Variants in KIAA0825 observed in about 807,000 individuals in gnomAD.
KIAA0825 encodes KIAA0825.
In KIAA0825, 119 loss-of-function variants were observed where a neutral mutation model predicts 147.6. The observed-to-expected ratio is 0.81, with a 90% CI of 0.69 to 0.94. The LOEUF is 0.94. KIAA0825 is among the 40% of genes least tolerant of loss of function. The pLI is 0.00. For synonymous variants in KIAA0825, 470 were observed against 518.1 expected (o/e 0.91, Z 1.26); for missense variants, 1,381 against 1,472.7 (o/e 0.94, Z 1.02).
intron 20 of KIAA0825, among the ~76,000 whole-genome samples, chr5:94,264,814 G>A (rs536803278): frequency 1.5e-5 from 2 of 132,374 alleles, no homozygotes; most frequent in African/African-American, 5.7e-5. Flanking sequence ...GCAGGGTCTT[G>A]CTCTGTCTCC....
At chr5:94,253,577 C>T (rs1360761800) in intron 20 of KIAA0825, among the ~76,000 whole-genome samples, 1 of 152,096 alleles carries the variant, frequency 6.6e-6, no homozygotes, top group East Asian at 1.9e-4. Context: ...ATAGGCCATT[C>T]ATTCTACTTG....
At chr5:94,485,466 G>C (rs772433317) in intron 5 of KIAA0825, among the ~76,000 whole-genome samples, 1 of 151,776 alleles carries the variant, frequency 6.6e-6, no homozygotes, top group African/African-American at 2.4e-5. Context: ...TCTGACTGAA[G>C]TCTACTATGC....
chr5:94,451,795 T>C (rs1432706654), intron 13 of KIAA0825, among the ~76,000 whole-genome samples: 5 of 152,100 alleles, frequency 3.3e-5, no homozygotes, highest in South Asian at 2.1e-4. Flanking sequence ...GGCAGTAAAA[T>C]AGGTTAAAGC....
chr5:94,171,126 C>T (rs1490298995), intron 20 of KIAA0825, among the ~76,000 whole-genome samples: 1 of 152,200 alleles, frequency 6.6e-6, no homozygotes, highest in Non-Finnish European at 1.5e-5. Context: ...GTAACTCCCA[C>T]AATTCCCACA....
At chr5:94,393,063 A>C (rs906646295) in intron 17 of KIAA0825, among the ~76,000 whole-genome samples, 1 of 152,032 alleles carries the variant, frequency 6.6e-6, no homozygotes, top group Non-Finnish European at 1.5e-5. Context: ...GGAGTATCTC[A>C]GTGTCAGCTC....
intron 20 of KIAA0825, among the ~76,000 whole-genome samples, chr5:94,262,842 G>T (rs1261804280): frequency 6.6e-6 from 1 of 152,028 alleles, no homozygotes; most frequent in Non-Finnish European, 1.5e-5. Context: ...GGGGTGGGGG[G>T]CTGTATGAAG....
In KIAA0825 at chr5:94,473,308, GGTT is replaced by G; in HGVS notation, c.1436_1438del (p.Gln479del). 6.4e-7 allele frequency: 1 copy of G among 1,551,462 alleles called. No homozygotes were observed. Among genetic ancestry groups the G allele is most frequent in the East Asian group, 2.4e-5 (1 of 40,916 alleles). On this transcript the variant is annotated inframe_deletion, in exon 8 of 21. Transcript: ENST00000682413. The stretch of plus-strand genomic sequence containing the variant: ...TATACTTGCTTTTCCAATTTTCTTT[GGTT>G]GTTCCTCCTCAGGAAACATATGGCT...
chr5:94,565,070 CTCTT>C (rs1212201506), intron 2 of KIAA0825, among the ~76,000 whole-genome samples: 2 of 123,040 alleles, frequency 1.6e-5, no homozygotes, highest in Non-Finnish European at 3.4e-5. Context: ...TTTCCTGTCT[CTCTT>C]TCTCTCTCTT....
intron 20 of KIAA0825, among the ~76,000 whole-genome samples, chr5:94,325,570 C>A (rs1009989302): frequency 6.6e-6 from 1 of 151,792 alleles, no homozygotes; most frequent in Non-Finnish European, 1.5e-5. Flanking sequence ...ACATACATTC[C>A]TTAAGCAATA....
At position 94,452,967 on chromosome 5, in the gene KIAA0825, AG is replaced by A. The variant is rs1376724894; in HGVS notation, c.2348del (p.Ser783PhefsTer11). The A allele has an allele frequency of 6.7e-7, 1 of 1,488,836 alleles. No homozygotes were observed. The highest frequency in any genetic ancestry group is 9.0e-7 in the Non-Finnish European group (1 of 1,111,608). 92.2% of individuals were successfully genotyped at this position (1,488,836 alleles called of 1,614,324 possible). A position where few individuals can be genotyped will look rare whatever the true frequency, so the allele number is the denominator to read the frequency against. ...CATTTAGAGGCTCTCACCTGAGTAA[AG>A]AAGGGTAGAAATGTGATATGCAAGA... ...WVSCISHFYPSLLRTPSAGGL... is the reference protein window; with the variant it reads ...WVSCISHFYPXLLRTPSAGGL... On this transcript the variant is annotated frameshift_variant, in exon 13 of 21. Transcript: ENST00000682413. LOFTEE classifies it high-confidence loss of function.
chr5:94,213,084 A>G (rs1583867694), intron 20 of KIAA0825, among the ~76,000 whole-genome samples: 1 of 152,162 alleles, frequency 6.6e-6, no homozygotes, highest in East Asian at 1.9e-4. Flanking sequence ...GAGGCACTCT[A>G]AGATAAGTAA....
At chr5:94,222,989 C>T (rs1773803647) in intron 20 of KIAA0825, among the ~76,000 whole-genome samples, 1 of 152,070 alleles carries the variant, frequency 6.6e-6, no homozygotes, top group South Asian at 2.1e-4. Flanking sequence ...AGCAAAAAAT[C>T]CCAAATACAA....
intron 1 of KIAA0825, among the ~76,000 whole-genome samples, chr5:94,606,904 CAG>C (rs1561387053): frequency 6.6e-6 from 1 of 152,092 alleles, no homozygotes; most frequent in Admixed American, 6.6e-5. Context: ...ACATGCAAGA[CAG>C]GGGTCAAGAA....
chr5:94,528,097 C>A (rs1041472659), intron 3 of KIAA0825, among the ~76,000 whole-genome samples: 1 of 152,154 alleles, frequency 6.6e-6, no homozygotes, highest in African/African-American at 2.4e-5. Context: ...GAATTGTTTT[C>A]TATTTCGGAG....
chr5:94,462,247 T>C (rs1243429441), intron 12 of KIAA0825, 140 bp downstream of exon 12: 2 of 485,610 alleles, frequency 4.1e-6, no homozygotes, highest in Admixed American at 4.1e-5. Flanking sequence ...TTTTATAAAA[T>C]GGCCTAGTTC....
chr5:94,170,306 C>T (rs1768500196), intron 20 of KIAA0825, among the ~76,000 whole-genome samples: 1 of 150,536 alleles, frequency 6.6e-6, no homozygotes. Context: ...CTCAAAAAAA[C>T]AAAACAAAAC....
intron 20 of KIAA0825, among the ~76,000 whole-genome samples, chr5:94,173,384 C>T (rs563592643): frequency 1.3e-5 from 2 of 152,272 alleles, no homozygotes; most frequent in East Asian, 3.9e-4. Context: ...TTGGGAGACA[C>T]TCATCTGAGG....
intron 2 of KIAA0825, among the ~76,000 whole-genome samples, chr5:94,537,384 G>C (rs1179191029): frequency 6.6e-6 from 1 of 152,172 alleles, no homozygotes; most frequent in Non-Finnish European, 1.5e-5. Context: ...GGGCGCGGTG[G>C]CTCACGCCTG....
chr5:94,473,538 T>C lies in KIAA0825; in HGVS notation c.1228-19A>G, dbSNP rs1562533296. 7 of 1,444,020 alleles carry C rather than the reference T, an allele frequency of 4.8e-6. No individual in the cohort carries two copies. The highest frequency in any genetic ancestry group is 4.8e-6 in the Non-Finnish European group (5 of 1,049,766). 89.5% of individuals were successfully genotyped at this position (1,444,020 alleles called of 1,614,324 possible). A position where few individuals can be genotyped will look rare whatever the true frequency, so the allele number is the denominator to read the frequency against. ...AGGTAGCCTGAAATATCAATGTATA[T>C]GAAGTCATGTTAATCTTAACTCAGC... On this transcript the variant is annotated intron_variant, in intron 7 of 20. Transcript: ENST00000682413.
Sources: allele counts gnomAD v4.1 joint callset (sites outside exome capture counted in the v4.1 genomes callset), GRCh38; gene constraint gnomAD v4.1.1; transcripts MANE v1.5; gene names NCBI Gene and HGNC (gene_info 2026-07-23, HGNC 2026-07-21).